The following DLGAP2 variants were observed in gnomAD, a reference collection of about 807,000 sequenced individuals.
DLGAP2 encodes disks large-associated protein 2.
In DLGAP2, 26 loss-of-function variants were observed where a neutral mutation model predicts 100.3. That is an observed-to-expected ratio of 0.26 (90% CI 0.19 to 0.36). The LOEUF (loss-of-function observed/expected upper bound fraction) is 0.36, where lower values mean the gene tolerates loss of function less well. Ranked by LOEUF, DLGAP2 falls within the 10% of genes least tolerant of loss-of-function variation. The probability of loss-of-function intolerance (pLI) is 1.00; values close to 1 mark genes in which losing one functional copy is unlikely to be tolerated. For synonymous variants in DLGAP2, 886 were observed against 630.1 expected, an observed-to-expected ratio of 1.41 and a Z score of -6.08; for missense variants, 1,858 against 1,453.2, an observed-to-expected ratio of 1.28 and a Z score of -4.53.
At chr8:1,262,135 AGAT>A (rs1397166364) in intron 3 of DLGAP2, among the ~76,000 whole-genome samples, 1 of 152,264 alleles carries the variant, frequency 6.6e-6, no homozygotes. Flanking sequence ...GCCCAGTCTC[AGAT>A]GATAATATCT....
chr8:1,069,081 A>C (rs1042512369), intron 2 of DLGAP2, among the ~76,000 whole-genome samples: 2 of 152,230 alleles, frequency 1.3e-5, no homozygotes, highest in Non-Finnish European at 2.9e-5. Context: ...ACTGCCCTGC[A>C]CTAGACACAC....
At chr8:1,074,664 A>G (rs1803547519) in intron 2 of DLGAP2, among the ~76,000 whole-genome samples, 1 of 152,196 alleles carries the variant, frequency 6.6e-6, no homozygotes, top group Non-Finnish European at 1.5e-5. Context: ...ATTAGGTGGA[A>G]AATGGACCTC....
At position 1,462,445 on chromosome 8, in the gene DLGAP2, TTGGTGG is replaced by T. The variant is rs1320278247; in HGVS notation, c.107-38920_107-38915del. ...CACAGGACTGGGTGCAGTCGCTGATTTGGTGGCCAGGAGGAGGGAGAAGGGTGGCAT... is the reference window on the plus strand; with the variant it reads ...CACAGGACTGGGTGCAGTCGCTGATTCCAGGAGGAGGGAGAAGGGTGGCAT... On this transcript the variant is annotated intron_variant, in intron 3 of 14. Transcript: ENST00000637795. Among the ~76,000 whole-genome samples the T allele has an allele frequency of 2.8e-4, 27 of 98,168 alleles. No individual in the cohort carries two copies. The East Asian group carries it at 0.011, about 41-fold the overall frequency. The allele number at this position is 98,168 out of a possible 152,430, so 64.4% of individuals were successfully genotyped here.
chr8:947,802 G>C (rs558662125), intron 2 of DLGAP2, among the ~76,000 whole-genome samples: 2 of 149,426 alleles, frequency 1.3e-5, no homozygotes, highest in African/African-American at 4.9e-5. Context: ...ATGGCTCCCC[G>C]ACCCTGTGCC....
intron 4 of DLGAP2, among the ~76,000 whole-genome samples, chr8:1,517,676 AG>A (rs1202340776): frequency 5.9e-5 from 9 of 152,238 alleles, no homozygotes; most frequent in African/African-American, 2.2e-4. Context: ...GTTTCTGGCT[AG>A]GAGAGCCCTG....
chr8:1,409,981 G>C (rs1218921028), intron 3 of DLGAP2, among the ~76,000 whole-genome samples: 1 of 152,316 alleles, frequency 6.6e-6, no homozygotes, highest in South Asian at 2.1e-4. Context: ...TTATGTGTCT[G>C]TGTGTCCTGT....
At chr8:954,966 A>G (rs1237814671) in intron 2 of DLGAP2, among the ~76,000 whole-genome samples, 2 of 152,210 alleles carry the variant, frequency 1.3e-5, no homozygotes, top group African/African-American at 4.8e-5. Flanking sequence ...CTAACTGCCT[A>G]GAAGAGAACG....
At position 1,641,905 on chromosome 8, in the gene DLGAP2, G is replaced by T. The variant is rs62483072; in HGVS notation, c.1810+8859G>T. ...GCCGGTCCTCACCTGTGTCACCCTC[G>T]ACCCCGCCGGCCCTCACCTGTGTCA... On this transcript the variant is annotated intron_variant, in intron 8 of 14. Coordinates refer to ENST00000637795, the MANE Select transcript of DLGAP2 (RefSeq NM_001346810.2). 5.5e-5 allele frequency among the ~76,000 whole-genome samples: 6 copies of T among 108,986 alleles called. No individual in the cohort carries two copies. In the South Asian group the frequency reaches 1.9e-3, roughly 35 times the overall value. The allele number at this position is 108,986 out of a possible 152,430, so 71.5% of individuals were successfully genotyped here. A position where few individuals can be genotyped will look rare whatever the true frequency, so the allele number is the denominator to read the frequency against.
At chr8:1,520,092 C>G (rs533247050) in intron 4 of DLGAP2, among the ~76,000 whole-genome samples, 3 of 152,182 alleles carry the variant, frequency 2.0e-5, no homozygotes, top group Admixed American at 2.0e-4. Flanking sequence ...GTGCTGGGCA[C>G]GCTGTCCCCA....
intron 2 of DLGAP2, among the ~76,000 whole-genome samples, chr8:926,906 C>T (rs779931624): frequency 1.3e-5 from 2 of 152,326 alleles, no homozygotes; most frequent in African/African-American, 2.4e-5. Context: ...GCCTCGTAGG[C>T]GTTCCAGGTG....
At chr8:1,416,416 A>G (rs1472425959) in intron 3 of DLGAP2, among the ~76,000 whole-genome samples, 1 of 152,164 alleles carries the variant, frequency 6.6e-6, no homozygotes, top group African/African-American at 2.4e-5. Context: ...TTTCTGAGGC[A>G]AATTAAACTT....
chr8:1,166,059 C>G (rs1438450430), intron 2 of DLGAP2, among the ~76,000 whole-genome samples: 1 of 152,138 alleles, frequency 6.6e-6, no homozygotes, highest in Non-Finnish European at 1.5e-5. Flanking sequence ...TGCTCTTTGC[C>G]CAAGGTTATC....
At chr8:1,244,266 G>T (rs539392249) in intron 2 of DLGAP2, among the ~76,000 whole-genome samples, 1 of 152,352 alleles carries the variant, frequency 6.6e-6, no homozygotes, top group African/African-American at 2.4e-5. Flanking sequence ...CATAGACTCT[G>T]TCACAATGTG....
intron 2 of DLGAP2, among the ~76,000 whole-genome samples, chr8:961,509 C>A (rs942623813): frequency 6.6e-6 from 1 of 152,156 alleles, no homozygotes; most frequent in African/African-American, 2.4e-5. Context: ...GACACCAGTT[C>A]TGTTTCTAAG....
intron 2 of DLGAP2, among the ~76,000 whole-genome samples, chr8:1,202,241 A>AGTGTGT (rs36230610): frequency 9.4e-5 from 14 of 149,272 alleles, no homozygotes; most frequent in Admixed American, 4.7e-4. Flanking sequence ...GTATAGATGC[A>AGTGTGT]GTGTGTGTGT....
At chr8:1,191,601 G>A (rs1180522707) in intron 2 of DLGAP2, among the ~76,000 whole-genome samples, 1 of 152,194 alleles carries the variant, frequency 6.6e-6, no homozygotes, top group East Asian at 1.9e-4. Context: ...GAACAAGACA[G>A]GCAGCCACAA....
intron 1 of DLGAP2, among the ~76,000 whole-genome samples, chr8:742,427 A>G (rs1024751014): frequency 2.0e-5 from 3 of 152,328 alleles, no homozygotes; most frequent in Non-Finnish European, 4.4e-5. Context: ...AAGGGTCCAT[A>G]GAGTATGTAT....
intron 2 of DLGAP2, among the ~76,000 whole-genome samples, chr8:1,031,006 A>G (rs927448376): frequency 6.6e-6 from 1 of 152,176 alleles, no homozygotes; most frequent in Non-Finnish European, 1.5e-5. Context: ...AGAAAATAAT[A>G]TTTTTTAGAA....
At chr8:1,237,732 A>G (rs1186465145) in intron 2 of DLGAP2, among the ~76,000 whole-genome samples, 3 of 30,504 alleles carry the variant, frequency 9.8e-5, no homozygotes, top group African/African-American at 1.5e-4. Context: ...GTTCTCTCAC[A>G]TGGCACCGTG....
Sources: allele counts gnomAD v4.1 joint callset (sites outside exome capture counted in the v4.1 genomes callset), GRCh38; gene constraint gnomAD v4.1.1; transcripts MANE v1.5; gene names NCBI Gene and HGNC (gene_info 2026-07-23, HGNC 2026-07-21).